Variants in TBC1D5 observed in about 807,000 individuals in gnomAD.
TBC1D5 encodes the protein TBC1 domain family, member 5.
In TBC1D5, 75 loss-of-function variants were observed where a neutral mutation model predicts 100.3. The observed-to-expected ratio is 0.75, with a 90% CI of 0.62 to 0.91. The LOEUF (loss-of-function observed/expected upper bound fraction) is 0.91, where lower values mean the gene tolerates loss of function less well. Among genes scored for constraint, TBC1D5 ranks in the 40% least tolerant of loss-of-function variants. TBC1D5 has a pLI of 0.00. For synonymous variants in TBC1D5, 323 were observed against 325.6 expected, an observed-to-expected ratio of 0.99 and a Z score of 0.09; for missense variants, 910 against 942.4, an observed-to-expected ratio of 0.97 and a Z score of 0.45.
At chr3:17,632,373 C>T (rs1055851063) in intron 1 of TBC1D5, among the ~76,000 whole-genome samples, 1 of 152,126 alleles carries the variant, frequency 6.6e-6, no homozygotes, top group Non-Finnish European at 1.5e-5. Flanking sequence ...ATGGAACCTG[C>T]TCCTTGTAAA....
At chr3:17,643,293 C>T (rs1042451304) in intron 1 of TBC1D5, among the ~76,000 whole-genome samples, 2 of 151,994 alleles carry the variant, frequency 1.3e-5, no homozygotes, top group Non-Finnish European at 2.9e-5. Flanking sequence ...TTTGGTGTAT[C>T]GTATTATATC....
intron 13 of TBC1D5, among the ~76,000 whole-genome samples, chr3:17,359,780 T>C (rs1023189548): frequency 6.6e-6 from 1 of 151,954 alleles, no homozygotes; most frequent in Non-Finnish European, 1.5e-5. Context: ...CATATGGCAA[T>C]AGAAAAGAGC....
chr3:17,657,633 C>G (rs1303485625), intron 1 of TBC1D5, among the ~76,000 whole-genome samples: 2 of 152,112 alleles, frequency 1.3e-5, no homozygotes, highest in African/African-American at 4.8e-5. Flanking sequence ...CCATGTCCGG[C>G]CGGACAAATT....
rs115119639 is a variant in TBC1D5, at chr3:17,160,725, G to A, written c.*238C>T. The A allele has an allele frequency of 2.9e-3, 1,485 of 512,184 alleles. 24 individuals are homozygous for A. Among genetic ancestry groups the A allele is most frequent in the African/African-American group, 0.025 (1,336 of 53,130 alleles). The allele number at this position is 512,184 out of a possible 1,614,324, so 31.7% of individuals were successfully genotyped here. A position where few individuals can be genotyped will look rare whatever the true frequency, so the allele number is the denominator to read the frequency against. On this transcript the variant is annotated 3_prime_UTR_variant, in exon 22 of 22. Coordinates refer to ENST00000253692, the Ensembl canonical transcript of TBC1D5. ...TCAGCTCTAACTCAGAGCAAGAGTC[G>A]GGTGGGGATTAGGTAAGGGCCCAGA... is the stretch of plus-strand genomic sequence containing the variant.
intron 18 of TBC1D5, among the ~76,000 whole-genome samples, chr3:17,208,377 T>C (rs764759081): frequency 3.9e-5 from 6 of 152,230 alleles, no homozygotes; most frequent in Non-Finnish European, 8.8e-5. Context: ...TACATATATA[T>C]CACTTTCAGT....
intron 13 of TBC1D5, among the ~76,000 whole-genome samples, chr3:17,361,180 T>G (rs188319345): frequency 2.0e-5 from 3 of 152,150 alleles, no homozygotes; most frequent in African/African-American, 7.2e-5. Flanking sequence ...TTCCTGTGTG[T>G]GAAAAGTACC....
At chr3:17,402,270 A>G (rs934600403) in intron 8 of TBC1D5, among the ~76,000 whole-genome samples, 14 of 152,162 alleles carry the variant, frequency 9.2e-5, no homozygotes, top group African/African-American at 3.4e-4. Flanking sequence ...CCTTGACATT[A>G]TAATAGATTT....
At chr3:17,409,449 TGAAAA>T (rs2093862725) in intron 4 of TBC1D5, among the ~76,000 whole-genome samples, 1 of 152,054 alleles carries the variant, frequency 6.6e-6, no homozygotes, top group East Asian at 1.9e-4. Flanking sequence ...ACTGTTCGAG[TGAAAA>T]GAAGAGTCAT....
At chr3:17,433,887 C>T (rs1193022052) in intron 3 of TBC1D5, among the ~76,000 whole-genome samples, 1 of 152,126 alleles carries the variant, frequency 6.6e-6, no homozygotes, top group Non-Finnish European at 1.5e-5. Context: ...GAGAAACTGA[C>T]CAAAACGAAT....
At chr3:17,228,651 TC>T (rs1576129340) in intron 17 of TBC1D5, among the ~76,000 whole-genome samples, 7 of 151,534 alleles carry the variant, frequency 4.6e-5, no homozygotes, top group Admixed American at 2.6e-4. Flanking sequence ...GCTTATTAAG[TC>T]ATGTGCCCTG....
At chr3:17,314,232 T>A (rs1213229385) in intron 13 of TBC1D5, among the ~76,000 whole-genome samples, 5 of 151,958 alleles carry the variant, frequency 3.3e-5, no homozygotes, top group Admixed American at 3.3e-4. Context: ...AGGCATAGAG[T>A]AGGGGGTTAA....
At chr3:17,268,126 G>A (rs1575049908) in intron 15 of TBC1D5, among the ~76,000 whole-genome samples, 1 of 151,838 alleles carries the variant, frequency 6.6e-6, no homozygotes, top group South Asian at 2.1e-4. Flanking sequence ...CCATGTAGAT[G>A]GACTTTTGCC....
intron 1 of TBC1D5, among the ~76,000 whole-genome samples, chr3:17,657,329 CTTTTTT>C (rs35431642): frequency 2.8e-5 from 3 of 107,034 alleles, no homozygotes; most frequent in Non-Finnish European, 1.9e-5. Flanking sequence ...CAAATTCTTT[CTTTTTT>C]TTTTTTTTTT....
At chr3:17,563,776 G>C (rs1437863499) in intron 2 of TBC1D5, among the ~76,000 whole-genome samples, 3 of 151,756 alleles carry the variant, frequency 2.0e-5, no homozygotes, top group Non-Finnish European at 4.4e-5. Flanking sequence ...TTTGTTTTTT[G>C]TTTTTTGTTT....
At chr3:17,408,177 C>T (rs1304875996) in intron 4 of TBC1D5, among the ~76,000 whole-genome samples, 1 of 151,588 alleles carries the variant, frequency 6.6e-6, no homozygotes, top group Non-Finnish European at 1.5e-5. Flanking sequence ...GCCTCAGTTT[C>T]CTCATCTGTA....
chr3:17,161,314 G>A (rs765572352), intron 21 of TBC1D5, 58 bp from the exon 23 acceptor site: 71 of 1,537,498 alleles, frequency 4.6e-5, no homozygotes, highest in Non-Finnish European at 3.9e-5. Context: ...AAAGAACTGA[G>A]TGGAAGGCCC....
chr3:17,665,793 T>C (rs962838841), intron 1 of TBC1D5, among the ~76,000 whole-genome samples: 3 of 152,202 alleles, frequency 2.0e-5, no homozygotes, highest in Admixed American at 6.5e-5. Flanking sequence ...TTGAATCTGA[T>C]TGCATTGTTC....
chr3:17,556,723 A>G (rs185018014), intron 2 of TBC1D5, among the ~76,000 whole-genome samples: 34 of 152,346 alleles, frequency 2.2e-4, no homozygotes, highest in Admixed American at 2.0e-3. Context: ...TATTTTTATT[A>G]ACAATTTACT....
At chr3:17,179,964 A>T (rs923603908) in intron 19 of TBC1D5, among the ~76,000 whole-genome samples, 7 of 152,218 alleles carry the variant, frequency 4.6e-5, no homozygotes, top group Admixed American at 2.0e-4. Context: ...CTGCTCACAG[A>T]TCAGACTAGC....
Sources: gnomAD v4.1 joint callset for allele counts (sites outside exome capture counted in the v4.1 genomes callset) on GRCh38, gnomAD v4.1.1 for gene constraint, MANE v1.5 for transcripts, NCBI Gene and HGNC (gene_info 2026-07-23, HGNC 2026-07-21) for gene names.